MZT2B: variants seen among roughly 807,000 people sequenced by gnomAD.
MZT2B encodes the protein mitotic spindle organizing protein 2B.
A neutral mutation model predicts 12.1 loss-of-function variants in MZT2B; 11 were observed. The observed-to-expected ratio is 0.91, with a 90% CI of 0.57 to 1.50. The LOEUF (loss-of-function observed/expected upper bound fraction) is 1.50, where lower values mean the gene tolerates loss of function less well. MZT2B is among the 40% of genes most tolerant of loss of function. The probability of loss-of-function intolerance (pLI) is 0.00; values close to 1 mark genes in which losing one functional copy is unlikely to be tolerated. For synonymous variants in MZT2B, 85 were observed against 109.5 expected, an observed-to-expected ratio of 0.78 and a Z score of 1.40; for missense variants, 209 against 227.7, an observed-to-expected ratio of 0.92 and a Z score of 0.53.
At chr2:130,202,521 G>C in the MZT2B span, 3 of 1,214,388 alleles carry the variant, frequency 2.5e-6, no homozygotes, top group Non-Finnish European at 3.2e-6. Flanking sequence ...GATGTTTACA[G>C]ACCTCCTTGG....
chr2:130,189,861 G>C (rs1690193128), intron 2 of MZT2B, among the ~76,000 whole-genome samples: 1 of 151,998 alleles, frequency 6.6e-6, no homozygotes, highest in African/African-American at 2.4e-5. Flanking sequence ...TCAGACTGTG[G>C]CAGGAACCCT....
chr2:130,189,348 G>A (rs1334631710), intron 2 of MZT2B, among the ~76,000 whole-genome samples: 2 of 152,174 alleles, frequency 1.3e-5, no homozygotes, highest in African/African-American at 2.4e-5. Context: ...CAACCTAAAC[G>A]TGTATCAGTG....
chr2:130,182,676 C>T lies in MZT2B; in HGVS notation c.220C>T (p.Gln74Ter), dbSNP rs1553442480. 3.2e-6 allele frequency: 5 copies of T among 1,554,658 alleles called. No homozygotes were observed. In the South Asian group the frequency reaches 4.7e-5, roughly 15 times the overall value. The change falls in exon 2 of 3, where the codon CAG becomes TAG. Residue 74 changes from glutamine (Q) to a stop codon, truncating the protein, a stop_gained. Coordinates refer to ENST00000281871, the MANE Select transcript of MZT2B (RefSeq NM_025029.5). LOFTEE classifies it high-confidence loss of function. ...GAACGTGGCCCCCCTCGCCGTCTTC[C>T]AGATGCTCAAGTCCATGTGTGCCGG... ...KLNVAPLAVF[Q>*]MLKSMCAGQR... is the part of the protein sequence containing the mutation.
chr2:130,197,476 T>G, the MZT2B span, among the ~76,000 whole-genome samples: 2 of 104,282 alleles, frequency 1.9e-5, 1 homozygote, highest in Non-Finnish European at 4.0e-5. Context: ...AACAGAGCAT[T>G]TATTGAGTGC....
the MZT2B span, chr2:130,198,545 C>T: frequency 1.4e-6 from 1 of 700,696 alleles, no homozygotes; most frequent in Non-Finnish European, 2.2e-6. Flanking sequence ...TTCTGATTGG[C>T]CGTTGCTCAA....
At chr2:130,201,089 G>C in the MZT2B span, among the ~76,000 whole-genome samples, 1 of 152,242 alleles carries the variant, frequency 6.6e-6, no homozygotes, top group Non-Finnish European at 1.5e-5. Flanking sequence ...TCCCCCAGTG[G>C]GATGGGACTC....
downstream of MZT2B, chr2:130,192,085 C>T (rs752154538): frequency 3.1e-6 from 5 of 1,608,448 alleles, no homozygotes; most frequent in Non-Finnish European, 4.2e-6. Context: ...TTGGCCAGGT[C>T]TCCCCCGGGG....
At chr2:130,202,360 G>A in the MZT2B span, 5,965 of 1,284,308 alleles carry the variant, frequency 4.6e-3, 38 homozygotes, top group South Asian at 6.6e-3. Flanking sequence ...GCGGCGCCTC[G>A]ACAAGATTTC....
chr2:130,204,677 G>A, the MZT2B span, among the ~76,000 whole-genome samples: 2 of 117,856 alleles, frequency 1.7e-5, no homozygotes, highest in African/African-American at 3.3e-5. Context: ...GGCATCAAGA[G>A]CAAAACTCTG....
chr2:130,200,624 T>C, the MZT2B span, among the ~76,000 whole-genome samples: 7 of 152,154 alleles, frequency 4.6e-5, no homozygotes, highest in Non-Finnish European at 8.8e-5. Flanking sequence ...CACTTTTTCT[T>C]ATTTCTTTGG....
At chr2:130,192,041 G>A, downstream of MZT2B, 2 of 1,614,164 alleles carry the variant, frequency 1.2e-6, no homozygotes, top group Non-Finnish European at 1.7e-6. Context: ...CAATGGCCGT[G>A]GTGTTGCTCA....
At chr2:130,191,619 T>C, downstream of MZT2B, 2 of 693,112 alleles carry the variant, frequency 2.9e-6, no homozygotes. Flanking sequence ...CAGCTGCTTA[T>C]GTACAGTCCT....
the MZT2B span, among the ~76,000 whole-genome samples, chr2:130,202,721 G>C: frequency 6.6e-6 from 1 of 152,212 alleles, no homozygotes; most frequent in African/African-American, 2.4e-5. Flanking sequence ...GCCATCTCCA[G>C]TTCAACCCCG....
At chr2:130,203,205 G>A in the MZT2B span, among the ~76,000 whole-genome samples, 1 of 152,074 alleles carries the variant, frequency 6.6e-6, no homozygotes, top group African/African-American at 2.4e-5. Context: ...CTAAAATGGG[G>A]CAGATTTTAA....
chr2:130,183,215 C>T (rs1199773234), intron 2 of MZT2B: 13 of 272,520 alleles, frequency 4.8e-5, no homozygotes, highest in Non-Finnish European at 7.8e-5. Context: ...TTTCAAAAGA[C>T]AGTCTCGATC....
chr2:130,195,252 T>C (rs750159654), downstream of MZT2B: 2 of 1,612,026 alleles, frequency 1.2e-6, no homozygotes, highest in South Asian at 1.1e-5. Flanking sequence ...GTGTGTACTG[T>C]GAATTTTTAA....
At chr2:130,191,737 C>CA, downstream of MZT2B, 5 of 1,539,094 alleles carry the variant, frequency 3.2e-6, no homozygotes, top group Non-Finnish European at 8.8e-7. Context: ...GCATGACACT[C>CA]AGAGGTCTTG....
downstream of MZT2B, among the ~76,000 whole-genome samples, chr2:130,195,687 G>T (rs1690386217): frequency 6.6e-6 from 1 of 152,218 alleles, no homozygotes; most frequent in Admixed American, 6.5e-5. Context: ...CCACTGAAAG[G>T]TGCTGCCTCT....
intron 2 of MZT2B, among the ~76,000 whole-genome samples, chr2:130,188,941 T>G (rs1236104570): frequency 6.6e-6 from 1 of 152,066 alleles, no homozygotes; most frequent in Non-Finnish European, 1.5e-5. Flanking sequence ...TTGCAGGGTA[T>G]TTGACTACAC....
Sources: allele counts gnomAD v4.1 joint callset (sites outside exome capture counted in the v4.1 genomes callset), GRCh38; gene constraint gnomAD v4.1.1; transcripts MANE v1.5; gene names NCBI Gene and HGNC (gene_info 2026-07-23, HGNC 2026-07-21).